KLRC3: variants seen among roughly 807,000 people sequenced by gnomAD.
KLRC3 encodes NKG2-E type II integral membrane protein.
Under a neutral mutation model 23.6 loss-of-function variants are expected in KLRC3, and 16 were observed. That is an observed-to-expected ratio of 0.68 (90% CI 0.46 to 1.03). The LOEUF is 1.03. KLRC3 is among the 50% of genes least tolerant of loss of function. The pLI is 0.00. For synonymous variants in KLRC3, 70 were observed against 71.8 expected (o/e 0.98, Z 0.13); for missense variants, 209 against 232.2 (o/e 0.90, Z 0.65).
chr12:10,413,615 A>G (rs961676786), intron 6 of KLRC3, among the ~76,000 whole-genome samples: 2 of 152,170 alleles, frequency 1.3e-5, no homozygotes, highest in African/African-American at 4.8e-5. Context: ...AACATTTAAA[A>G]ATAAAGCGGT....
intron 5 of KLRC3, among the ~76,000 whole-genome samples, 167 bp from the exon 6 acceptor site, chr12:10,415,961 C>G (rs1863636580): frequency 6.6e-6 from 1 of 152,208 alleles, no homozygotes; most frequent in Admixed American, 6.5e-5. Flanking sequence ...TACAGTACTC[C>G]CCCTTCATCC....
rs1477324633 is a variant in KLRC3, at chr12:10,412,465, G to A, written c.*107C>T. 1 of 677,118 alleles carries A rather than the reference G, an allele frequency of 1.5e-6. No homozygotes were observed. The highest frequency in any genetic ancestry group is 1.8e-5 in the African/African-American group (1 of 55,142). The allele number at this position is 677,118 out of a possible 1,614,324, so 41.9% of individuals were successfully genotyped here. A position where few individuals can be genotyped will look rare whatever the true frequency, so the allele number is the denominator to read the frequency against. Reference sequence around the variant, plus strand: ...GTTAAAAATAGGGAGGGCAGAAAAAGTAGATTTTTAAAACACAAGCTAAAT... The same window carrying A: ...GTTAAAAATAGGGAGGGCAGAAAAAATAGATTTTTAAAACACAAGCTAAAT... On this transcript the variant is annotated 3_prime_UTR_variant, in exon 7 of 7. Transcript: ENST00000396439.
intron 6 of KLRC3, among the ~76,000 whole-genome samples, chr12:10,413,919 G>GT (rs1402082014): frequency 7.9e-5 from 12 of 151,972 alleles, no homozygotes; most frequent in Non-Finnish European, 1.8e-4. Context: ...GAGAATGATG[G>GT]TTTCCAGCTT....
chr12:10,418,002 G>A (rs1863670035), intron 4 of KLRC3, among the ~76,000 whole-genome samples: 1 of 152,104 alleles, frequency 6.6e-6, no homozygotes, highest in East Asian at 1.9e-4. Context: ...GCTAGAGCTG[G>A]AAACTTATTT....
chr12:10,415,192 A>G (rs2137855969), intron 6 of KLRC3, among the ~76,000 whole-genome samples: 1 of 152,344 alleles, frequency 6.6e-6, no homozygotes, highest in Non-Finnish European at 1.5e-5. Context: ...TCATTGAGGT[A>G]CGGTGCACAT....
intron 6 of KLRC3, 60 bp downstream of exon 6, chr12:10,415,644 A>G (rs1863630092): frequency 6.2e-7 from 1 of 1,607,152 alleles, no homozygotes; most frequent in South Asian, 1.1e-5. Flanking sequence ...TTGAACAAAT[A>G]TAAAATTTTA....
At chr12:10,414,174 A>G (rs895367437) in intron 6 of KLRC3, among the ~76,000 whole-genome samples, 4 of 152,222 alleles carry the variant, frequency 2.6e-5, no homozygotes, top group Non-Finnish European at 5.9e-5. Flanking sequence ...GGGGCAATAT[A>G]CAATGATCAG....
chr12:10,416,394 G>A (rs1207203565), intron 5 of KLRC3, among the ~76,000 whole-genome samples: 1 of 152,188 alleles, frequency 6.6e-6, no homozygotes, highest in African/African-American at 2.4e-5. Context: ...TGTCTTTTAT[G>A]TGTGGCCCAA....
rs1863587935 is a variant in KLRC3 at position 10,412,356 on chromosome 12, T to A, written c.*216A>T. On this transcript the variant is annotated 3_prime_UTR_variant, in exon 7 of 7. Transcript: ENST00000396439. Reference sequence around the variant, plus strand: ...ATTTTCCAATCATAACGGTCTGCATTTTAATATTAATATTTGTTGTAAATG... The same window carrying A: ...ATTTTCCAATCATAACGGTCTGCATATTAATATTAATATTTGTTGTAAATG... The A allele has an allele frequency of 1.8e-6, 1 of 570,396 alleles. No individual in the cohort carries two copies. Among genetic ancestry groups the A allele is most frequent in the African/African-American group, 1.9e-5 (1 of 51,464 alleles). The allele number at this position is 570,396 out of a possible 1,614,324, so 35.3% of individuals were successfully genotyped here.
At chr12:10,415,292 G>T (rs946284440) in intron 6 of KLRC3, among the ~76,000 whole-genome samples, 10 of 152,138 alleles carry the variant, frequency 6.6e-5, no homozygotes, top group African/African-American at 2.2e-4. Context: ...CTGAAATTTA[G>T]AAAGTTTTCA....
At chr12:10,417,117 T>C (rs1194223306) in intron 4 of KLRC3, among the ~76,000 whole-genome samples, 1 of 151,836 alleles carries the variant, frequency 6.6e-6, no homozygotes, top group Admixed American at 6.5e-5. Flanking sequence ...AGAAGGGAAT[T>C]GAGGGGTTGT....
rs1369670616 is a variant in KLRC3 at position 10,415,789 on chromosome 12, T to C, written c.593A>G (p.Lys198Arg). ...INGLAFKHEI[K>R]DSDHAERNCA... Reference sequence around the variant, plus strand: ...GTTACGTTCAGCATGATCTGAGTCTTTTATCCTGTAATGGAGAAAAATCCA... The same window carrying C: ...GTTACGTTCAGCATGATCTGAGTCTCTTATCCTGTAATGGAGAAAAATCCA... The change falls in exon 6 of 7, where the codon AAA (lysine) becomes AGA (arginine). Residue 198 changes from lysine to arginine, a missense_variant. Lys to Arg is a conservative substitution (Grantham distance 26). Coordinates refer to ENST00000396439, the MANE Select transcript of KLRC3 (RefSeq NM_002261.3). The C allele has an allele frequency of 2.5e-6, 4 of 1,608,848 alleles. No homozygotes were observed. In the African/African-American group the frequency reaches 5.4e-5, roughly 22 times the overall value.
chr12:10,418,428 T>A lies in KLRC3; in HGVS notation c.402A>T (p.Glu134Asp). 1.2e-6 allele frequency: 2 copies of A among 1,611,322 alleles called. No homozygotes were observed. Among genetic ancestry groups the A allele is most frequent in the Non-Finnish European group, 1.7e-6 (2 of 1,177,520 alleles). Residue 134 changes from glutamate to aspartate, a missense_variant, in exon 4 of 7, where the codon GAA becomes GAT. Around this residue, in one of 4 missense-constraint regions of KLRC3, gnomAD observed 109 missense variants for 113.2 expected, o/e 0.96. Coordinates refer to ENST00000396439, the MANE Select transcript of KLRC3 (RefSeq NM_002261.3). ...GCAAACTCTCTTCCCAAGTTCTTCT[T>A]TCCTTACCAATGTAATAACAACTGT... The part of the protein sequence containing the change: ...YSNSCYYIGK[E>D]RRTWEESLQA...
intron 6 of KLRC3, among the ~76,000 whole-genome samples, chr12:10,414,011 G>C (rs2682503): frequency 0.014 from 2,112 of 152,156 alleles, 44 homozygotes; most frequent in African/African-American, 0.048. Context: ...CCAGGTTATA[G>C]AGAAACAGAA....
At chr12:10,417,662 G>A (rs879607248) in intron 4 of KLRC3, among the ~76,000 whole-genome samples, 45 of 149,624 alleles carry the variant, frequency 3.0e-4, no homozygotes, top group Non-Finnish European at 5.1e-4. Flanking sequence ...AGGGACCCAC[G>A]ACTACCAATG....
Position 10,420,394 on chromosome 12 carries a change from G to A in KLRC3, c.157C>T (p.Gln53Ter). The A allele has an allele frequency of 1.2e-6, 2 of 1,613,710 alleles. No homozygotes were observed. The highest frequency in any genetic ancestry group is 8.5e-7 in the Non-Finnish European group (1 of 1,179,758). Residue 53 changes from glutamine to a stop codon, truncating the protein, a stop_gained, in exon 1 of 7, where the codon CAA becomes TAA. Coordinates refer to ENST00000396439, the MANE Select transcript of KLRC3 (RefSeq NM_002261.3). LOFTEE classifies it high-confidence loss of function. ...CAGTCATATATTTTATCAATCCCTTGATGATTCAGAGAAGCATTTTGAAGG... is the reference window on the plus strand; with the variant it reads ...CAGTCATATATTTTATCAATCCCTTAATGATTCAGAGAAGCATTTTGAAGG... ...LNLQNASLNHQGIDKIYDCQG... is the reference protein window; with the variant it reads ...LNLQNASLNH
chr12:10,412,697 G>A (rs1389952253), intron 6 of KLRC3, 81 bp from the exon 7 acceptor site: 31 of 672,638 alleles, frequency 4.6e-5, no homozygotes, highest in African/African-American at 1.5e-4. Flanking sequence ...TGGGAGGATC[G>A]CTTGAGCCTT....
Position 10,415,718 on chromosome 12 carries a change from A to T in KLRC3, c.664T>A (p.Ser222Thr), listed in dbSNP as rs1160512792. The change falls in exon 6 of 7, where the codon TCT (serine) becomes ACT (threonine). Residue 222 changes from serine (S) to threonine (T), a missense_variant. Coordinates refer to ENST00000396439, the MANE Select transcript of KLRC3 (RefSeq NM_002261.3). ...VRGLISDQCG[S>T]SRIIRRGFIM... The stretch of plus-strand genomic sequence containing the variant: ...CTTATGCTCACAATGATTCTTGAAG[A>T]TCCACACTGGTCTGATATAAGTCCA... 6.2e-7 allele frequency: 1 copy of T among 1,613,820 alleles called. No individual in the cohort carries two copies. The highest frequency in any genetic ancestry group is 2.2e-5 in the East Asian group (1 of 44,864).
chr12:10,414,605 T>G (rs1863613841), intron 6 of KLRC3, among the ~76,000 whole-genome samples: 1 of 107,100 alleles, frequency 9.3e-6, no homozygotes, highest in Non-Finnish European at 1.8e-5. Flanking sequence ...CACAGGGGAC[T>G]GTTGTGGGGT....
Sources: gnomAD v4.1 joint callset for allele counts (sites outside exome capture counted in the v4.1 genomes callset) on GRCh38, gnomAD v4.1.1 for gene constraint, gnomAD v4.1.1 regional missense constraint, MANE v1.5 for transcripts, NCBI Gene and HGNC (gene_info 2026-07-23, HGNC 2026-07-21) for gene names.